FNDC7: variants seen among roughly 807,000 people sequenced by gnomAD.
FNDC7 encodes fibronectin type III domain-containing protein 7.
Under a neutral mutation model 74.2 loss-of-function variants are expected in FNDC7, and 66 were observed. That is an observed-to-expected ratio of 0.89 (90% CI 0.73 to 1.09). The LOEUF (loss-of-function observed/expected upper bound fraction) is 1.09, where lower values mean the gene tolerates loss of function less well. Ranked by LOEUF, FNDC7 falls within the 50% of genes least tolerant of loss-of-function variation. The pLI, the probability that FNDC7 is intolerant of heterozygous loss-of-function variation, is 0.00. For synonymous variants in FNDC7, 307 were observed against 330.2 expected, an observed-to-expected ratio of 0.93 and a Z score of 0.76; for missense variants, 829 against 893.4, an observed-to-expected ratio of 0.93 and a Z score of 0.92.
chr1:108,718,979 C>T lies in FNDC7; in HGVS notation c.528C>T (p.Tyr176=), dbSNP rs2101077963. Reference sequence around the variant, plus strand: ...CCAGTTTAGAAGCCGGAACTCTCTACACCATAAAGGCCTATGCATGGAATG... The same window carrying T: ...CCAGTTTAGAAGCCGGAACTCTCTATACCATAAAGGCCTATGCATGGAATG... ...TFTSLEAGTL[Y]TIKAYAWNAN... Residue 176 remains tyrosine (Y), a synonymous_variant, in exon 4 of 13, where the codon TAC becomes TAT. Transcript: ENST00000370017. 1.3e-6 allele frequency: 2 copies of T among 1,552,074 alleles called. No homozygotes were observed. Among genetic ancestry groups the T allele is most frequent in the Non-Finnish European group, 8.7e-7 (1 of 1,147,080 alleles).
chr1:108,713,977 A>T (rs534168789), intron 2 of FNDC7, among the ~76,000 whole-genome samples: 2 of 152,372 alleles, frequency 1.3e-5, no homozygotes, highest in South Asian at 2.1e-4. Flanking sequence ...AGAACTTTAT[A>T]CTTCTAATAT....
chr1:108,736,289 C>T (rs1036047061), intron 10 of FNDC7, among the ~76,000 whole-genome samples: 1 of 152,166 alleles, frequency 6.6e-6, no homozygotes, highest in Non-Finnish European at 1.5e-5. Flanking sequence ...CCCACTTCCA[C>T]CAAGAGAACT....
At chr1:108,739,157 TG>T (rs1383458010) in intron 11 of FNDC7, among the ~76,000 whole-genome samples, 6 of 151,450 alleles carry the variant, frequency 4.0e-5, no homozygotes, top group Non-Finnish European at 5.9e-5. Flanking sequence ...AATTTAAAAA[TG>T]TTTGAAAAGA....
chr1:108,714,573 A>G (rs565639064), intron 2 of FNDC7, among the ~76,000 whole-genome samples: 3 of 147,972 alleles, frequency 2.0e-5, no homozygotes, highest in Non-Finnish European at 4.5e-5. Context: ...AGGAAACTAT[A>G]GGAGGGTCTG....
intron 10 of FNDC7, among the ~76,000 whole-genome samples, chr1:108,736,293 G>T (rs898061412): frequency 1.3e-5 from 2 of 152,040 alleles, no homozygotes; most frequent in Non-Finnish European, 2.9e-5. Flanking sequence ...CTTCCACCAA[G>T]AGAACTCTAC....
intron 7 of FNDC7, 84 bp downstream of exon 7, chr1:108,728,149 C>A: frequency 6.7e-7 from 1 of 1,487,332 alleles, no homozygotes. Context: ...TCAGTGAGAC[C>A]AATAAAAAGG....
Position 108,733,596 on chromosome 1 carries a change from C to A in FNDC7, c.2140+64C>A, listed in dbSNP as rs188616049. On this transcript the variant is annotated intron_variant, in intron 10 of 12. Transcript: ENST00000370017. ...GAACTCATATCTGTGAATTAAGATGCAATCAAACTTATTTACTATGTATGA... is the reference window on the plus strand; with the variant it reads ...GAACTCATATCTGTGAATTAAGATGAAATCAAACTTATTTACTATGTATGA... 7.3e-6 allele frequency: 11 copies of A among 1,505,918 alleles called. No homozygotes were observed. The East Asian group carries it at 2.3e-4, about 31-fold the overall frequency. 93.3% of individuals were successfully genotyped at this position (1,505,918 alleles called of 1,614,324 possible). A position where few individuals can be genotyped will look rare whatever the true frequency, so the allele number is the denominator to read the frequency against.
intron 6 of FNDC7, 80 bp downstream of exon 6, chr1:108,726,084 T>C (rs1661215739): frequency 3.3e-6 from 5 of 1,509,346 alleles, no homozygotes; most frequent in Middle Eastern, 2.0e-4. Flanking sequence ...ATTCCACTTA[T>C]TGACTTACCA....
intron 4 of FNDC7, among the ~76,000 whole-genome samples, chr1:108,719,814 T>G (rs1661059330): frequency 6.6e-6 from 1 of 150,894 alleles, no homozygotes; most frequent in South Asian, 2.1e-4. Flanking sequence ...TGAGGCAGAG[T>G]AAGCCATCCA....
chr1:108,741,032 A>G (rs72697127), intron 11 of FNDC7, among the ~76,000 whole-genome samples: 1,857 of 152,270 alleles, frequency 0.012, 16 homozygotes, highest in Non-Finnish European at 0.018. Flanking sequence ...TAGAAATGCA[A>G]TTTTTCAGAC....
chr1:108,726,896 C>T (rs1049019694), intron 6 of FNDC7, among the ~76,000 whole-genome samples: 2 of 152,180 alleles, frequency 1.3e-5, no homozygotes, highest in Admixed American at 6.5e-5. Context: ...GGTCCCGACA[C>T]GAGAGGGCCC....
At chr1:108,725,683 G>C in intron 5 of FNDC7, 67 bp from the exon 6 acceptor site, 1 of 1,533,252 alleles carries the variant, frequency 6.5e-7, no homozygotes, top group Non-Finnish European at 8.8e-7. Flanking sequence ...TGAAATCTTG[G>C]ATAATTGCAA....
rs753882760 is a variant in FNDC7 at position 108,727,907 on chromosome 1, A to G, written c.1211A>G (p.Lys404Arg). 50 of 1,614,046 alleles carry G rather than the reference A, an allele frequency of 3.1e-5. No individual in the cohort carries two copies. The highest frequency in any genetic ancestry group is 4.2e-5 in the Non-Finnish European group (49 of 1,180,032). Residue 404 changes from lysine to arginine, a missense_variant, in exon 7 of 13, where the codon AAG becomes AGG. Coordinates refer to ENST00000370017, the MANE Select transcript of FNDC7 (RefSeq NM_001144937.3). ...PVRGAELYET[K>R]AVDGYNMVEC... ...CGTGGTGCCGAACTGTATGAAACCA[A>G]GGCTGTAGATGGGTACAACATGGTT... is the stretch of plus-strand genomic sequence containing the variant.
Position 108,725,757 on chromosome 1 carries a change from T to G in FNDC7, c.864T>G (p.Cys288Trp), listed in dbSNP as rs557401228. The G allele has an allele frequency of 6.2e-7, 1 of 1,613,668 alleles. No individual in the cohort carries two copies. Among genetic ancestry groups the G allele is most frequent in the Non-Finnish European group, 8.5e-7 (1 of 1,179,730 alleles). Reference sequence around the variant, plus strand: ...TTATTGATCATTTCCTAGTTGCTTGTGCACCCGGAAGAGTGACGATCCAAG... The same window carrying G: ...TTATTGATCATTTCCTAGTTGCTTGGGCACCCGGAAGAGTGACGATCCAAG... The part of the protein sequence containing the change: ...SSAMTLKTVA[C>W]APGRVTIQED... The change falls in exon 6 of 13, where the codon TGT (cysteine) becomes TGG (tryptophan). Residue 288 changes from cysteine to tryptophan, a missense_variant. Transcript: ENST00000370017.
In FNDC7 at chr1:108,733,675, C is replaced by T. The variant is rs1450619814; in HGVS notation, c.2140+143C>T. 1.4e-5 allele frequency: 10 copies of T among 740,246 alleles called. No individual in the cohort carries two copies. In the Admixed American group the frequency reaches 1.5e-4, roughly 11 times the overall value. 45.9% of individuals were successfully genotyped at this position (740,246 alleles called of 1,614,324 possible). On this transcript the variant is annotated intron_variant, in intron 10 of 12. Coordinates refer to ENST00000370017, the MANE Select transcript of FNDC7 (RefSeq NM_001144937.3). Reference sequence around the variant, plus strand: ...TTTTTTTTTTTTTTTTTTTTTGAGACAGTCTCACTCTGTCGCCCAGGCTGG... The same window carrying T: ...TTTTTTTTTTTTTTTTTTTTTGAGATAGTCTCACTCTGTCGCCCAGGCTGG...
chr1:108,714,767 G>T (rs1409014689), intron 2 of FNDC7, among the ~76,000 whole-genome samples: 1 of 151,736 alleles, frequency 6.6e-6, no homozygotes, highest in Admixed American at 6.6e-5. Context: ...CACTACCCCC[G>T]GCTAATTTTT....
intron 6 of FNDC7, among the ~76,000 whole-genome samples, chr1:108,726,492 T>C (rs1334434708): frequency 6.6e-6 from 1 of 152,138 alleles, no homozygotes; most frequent in Non-Finnish European, 1.5e-5. Context: ...TGCTAGTTCC[T>C]TAGTATCCTC....
intron 7 of FNDC7, among the ~76,000 whole-genome samples, chr1:108,728,318 C>T (rs146501045): frequency 1.9e-4 from 29 of 152,260 alleles, no homozygotes; most frequent in African/African-American, 5.8e-4. Context: ...TTCAGCCATT[C>T]GGTTCCTCCT....
intron 10 of FNDC7, chr1:108,734,221 A>T (rs527844465): frequency 2.6e-5 from 4 of 152,336 alleles, no homozygotes; most frequent in Admixed American, 1.3e-4. Context: ...TTGAACTTTT[A>T]TTTGCACAGA....
Sources: allele counts gnomAD v4.1 joint callset (sites outside exome capture counted in the v4.1 genomes callset), GRCh38; gene constraint gnomAD v4.1.1; transcripts MANE v1.5; gene names NCBI Gene and HGNC (gene_info 2026-07-23, HGNC 2026-07-21).